Variants in PARD3B observed in about 807,000 individuals in gnomAD.
The protein encoded by PARD3B is partitioning defective 3 homolog B.
A neutral mutation model predicts 130.2 loss-of-function variants in PARD3B; 103 were observed. The observed-to-expected ratio is 0.79, with a 90% CI of 0.67 to 0.93. The LOEUF is 0.93. Ranked by LOEUF, PARD3B falls within the 40% of genes least tolerant of loss-of-function variation. The probability of loss-of-function intolerance (pLI) is 0.00; values close to 1 mark genes in which losing one functional copy is unlikely to be tolerated. For missense variants in PARD3B, 1,609 were observed against 1,499.2 expected (o/e 1.07, Z -1.21); for synonymous variants, 583 against 553.2 (o/e 1.05, Z -0.76).
At chr2:205,571,239 T>G (rs2053550620) in intron 22 of PARD3B, among the ~76,000 whole-genome samples, 1 of 152,250 alleles carries the variant, frequency 6.6e-6, no homozygotes, top group Non-Finnish European at 1.5e-5. Context: ...AGCCCTTTCT[T>G]GACCTTTTTG....
chr2:204,591,415 G>A (rs1439922152), intron 1 of PARD3B, among the ~76,000 whole-genome samples: 1 of 152,202 alleles, frequency 6.6e-6, no homozygotes, highest in African/African-American at 2.4e-5. Context: ...AAGAATACCA[G>A]CTTTTTTCCA....
chr2:204,690,898 G>A (rs1207341837), intron 2 of PARD3B, among the ~76,000 whole-genome samples: 1 of 152,058 alleles, frequency 6.6e-6, no homozygotes, highest in Non-Finnish European at 1.5e-5. Context: ...CTTGTTCTTT[G>A]CCTTCCTCCC....
Position 204,945,601 on chromosome 2 carries a change from C to T in PARD3B, c.223-19551C>T, listed in dbSNP as rs537623333. 7.2e-5 allele frequency among the ~76,000 whole-genome samples: 11 copies of T among 152,270 alleles called. No individual in the cohort carries two copies. In the South Asian group the frequency reaches 1.2e-3, roughly 17 times the overall value. On this transcript the variant is annotated intron_variant, in intron 2 of 22. Transcript: ENST00000406610. Reference sequence around the variant, plus strand: ...TGGGCTTAGTGAATGCTTCTGATTGCGCTGCAAGCCTAGTTGAATGTTTTC... The same window carrying T: ...TGGGCTTAGTGAATGCTTCTGATTGTGCTGCAAGCCTAGTTGAATGTTTTC...
chr2:204,590,373 T>C (rs2033023323), intron 1 of PARD3B, among the ~76,000 whole-genome samples: 2 of 152,212 alleles, frequency 1.3e-5, no homozygotes, highest in South Asian at 4.1e-4. Flanking sequence ...GAAACACAGA[T>C]GCGCAGTTTG....
chr2:205,409,921 G>C (rs549349836), intron 19 of PARD3B, among the ~76,000 whole-genome samples: 1 of 152,234 alleles, frequency 6.6e-6, no homozygotes, highest in African/African-American at 2.4e-5. Context: ...AAATTTCGCT[G>C]ATCCAGGATA....
intron 16 of PARD3B, among the ~76,000 whole-genome samples, chr2:205,279,337 C>T (rs909335823): frequency 6.6e-6 from 1 of 152,140 alleles, no homozygotes; most frequent in Admixed American, 6.5e-5. Flanking sequence ...ATACCTCACA[C>T]GTGTTTGTGC....
intron 1 of PARD3B, among the ~76,000 whole-genome samples, chr2:204,638,200 G>T (rs1559199402): frequency 6.6e-6 from 1 of 152,144 alleles, no homozygotes; most frequent in Non-Finnish European, 1.5e-5. Flanking sequence ...TACTGAAGAT[G>T]TTGTAACCTG....
At chr2:205,595,139 C>T (rs185292948) in intron 22 of PARD3B, among the ~76,000 whole-genome samples, 4 of 103,740 alleles carry the variant, frequency 3.9e-5, no homozygotes, top group Admixed American at 2.2e-4. Context: ...TGAAGTGCCT[C>T]GCACAATTCA....
chr2:205,329,398 A>T (rs2043036794), intron 18 of PARD3B, among the ~76,000 whole-genome samples: 1 of 152,230 alleles, frequency 6.6e-6, no homozygotes, highest in Non-Finnish European at 1.5e-5. Flanking sequence ...TAGAATTATC[A>T]CATATGGTAA....
At chr2:204,764,584 GA>G (rs1271452645) in intron 2 of PARD3B, among the ~76,000 whole-genome samples, 1 of 152,034 alleles carries the variant, frequency 6.6e-6, no homozygotes, top group East Asian at 1.9e-4. Flanking sequence ...GTTTTACTAA[GA>G]TTGAAAGAAA....
intron 20 of PARD3B, among the ~76,000 whole-genome samples, chr2:205,494,782 C>G (rs1001680713): frequency 6.6e-6 from 1 of 152,144 alleles, no homozygotes; most frequent in Non-Finnish European, 1.5e-5. Flanking sequence ...GTAGAAACAG[C>G]GCTGGTTGGG....
intron 2 of PARD3B, among the ~76,000 whole-genome samples, chr2:204,832,671 TG>T (rs2125570158): frequency 6.6e-6 from 1 of 152,214 alleles, no homozygotes; most frequent in Admixed American, 6.5e-5. Context: ...TTGGCTGTGA[TG>T]GGTACGCTGG....
Position 205,116,796 on chromosome 2 carries a change from T to C in PARD3B, c.681-2125T>C, listed in dbSNP as rs1166014354. On this transcript the variant is annotated intron_variant, in intron 6 of 22. Coordinates refer to ENST00000406610, the MANE Select transcript of PARD3B (RefSeq NM_001302769.2). The surrounding 1 kb of genome is among the most constrained non-coding windows in gnomAD (Gnocchi z 4.5). ...AATAAAATCAGTCAGTTTTACATTT[T>C]ACCAAAATTACCTCTGACACATGGG... is the stretch of plus-strand genomic sequence containing the variant. Among the ~76,000 whole-genome samples the C allele has an allele frequency of 2.0e-5, 3 of 152,172 alleles. No individual in the cohort carries two copies. Among genetic ancestry groups the C allele is most frequent in the Non-Finnish European group, 4.4e-5 (3 of 68,034 alleles).
At chr2:204,912,888 A>G (rs1460465550) in intron 2 of PARD3B, among the ~76,000 whole-genome samples, 1 of 152,184 alleles carries the variant, frequency 6.6e-6, no homozygotes, top group East Asian at 1.9e-4. Context: ...CAACTGGCTA[A>G]TCTGAATACT....
At chr2:205,358,138 A>G (rs532850276) in intron 18 of PARD3B, among the ~76,000 whole-genome samples, 46 of 152,174 alleles carry the variant, frequency 3.0e-4, no homozygotes, top group Non-Finnish European at 4.3e-4. Context: ...TAAATTATCT[A>G]TGTATTCATC....
At chr2:204,956,455 C>A (rs1450220398) in intron 2 of PARD3B, among the ~76,000 whole-genome samples, 1 of 151,790 alleles carries the variant, frequency 6.6e-6, no homozygotes, top group Non-Finnish European at 1.5e-5. Flanking sequence ...ATAGAATATT[C>A]TTTAAAAAAA....
rs62177766 is a variant in PARD3B, at chr2:204,635,699, C to T, written c.121-50482C>T. Among the ~76,000 whole-genome samples the T allele has an allele frequency of 1.0e-2, 1,517 of 152,174 alleles. 15 individuals are homozygous for T. Among genetic ancestry groups the T allele is most frequent in the Non-Finnish European group, 0.016 (1,086 of 68,000 alleles). Reference sequence around the variant, plus strand: ...AAGACACATCCTGGGATATGTGGTTCGGGCCTGGCTCTGCCAACTAATGAG... The same window carrying T: ...AAGACACATCCTGGGATATGTGGTTTGGGCCTGGCTCTGCCAACTAATGAG... On this transcript the variant is annotated intron_variant, in intron 1 of 22. Transcript: ENST00000406610.
chr2:205,278,977 G>A (rs887467564), intron 16 of PARD3B, among the ~76,000 whole-genome samples: 14 of 137,076 alleles, frequency 1.0e-4, no homozygotes, highest in Non-Finnish European at 1.8e-4. Flanking sequence ...AGGCTGAGGC[G>A]AAAGAATTGC....
In PARD3B at chr2:205,194,568, G is replaced by T. The variant is rs138277106; in HGVS notation, c.2140+1248G>T. On this transcript the variant is annotated intron_variant, in intron 15 of 22. Coordinates refer to ENST00000406610, the MANE Select transcript of PARD3B (RefSeq NM_001302769.2). Reference sequence around the variant, plus strand: ...CCTGTTCTGTCTTCCCAATTTCTCTGTAAAGAAGATGAATGGATCAAAACT... The same window carrying T: ...CCTGTTCTGTCTTCCCAATTTCTCTTTAAAGAAGATGAATGGATCAAAACT... Among the ~76,000 whole-genome samples, 1,058 of 152,208 alleles carry T rather than the reference G, an allele frequency of 7.0e-3. 12 individuals carry two copies. The highest frequency in any genetic ancestry group is 0.023 in the African/African-American group (975 of 41,534).
Sources: allele counts gnomAD v4.1 joint callset (sites outside exome capture counted in the v4.1 genomes callset), GRCh38; gene constraint gnomAD v4.1.1; non-coding constraint Gnocchi (gnomAD v3.1); transcripts MANE v1.5; gene names NCBI Gene and HGNC (gene_info 2026-07-23, HGNC 2026-07-21).